The following RNF44 variants were observed in gnomAD, a reference collection of about 807,000 sequenced individuals.
The protein encoded by RNF44 is ring finger protein 44.
RNF44 carries 25 observed loss-of-function variants against 53.6 expected under a neutral mutation model. The ratio of observed to expected loss-of-function variants is 0.47; its 90% CI spans 0.34 to 0.65. The LOEUF (loss-of-function observed/expected upper bound fraction) is 0.65, where lower values mean the gene tolerates loss of function less well. RNF44 is among the 30% of genes least tolerant of loss of function. The pLI is 0.01. For missense variants in RNF44, 581 were observed against 595.5 expected (o/e 0.98, Z 0.25); for synonymous variants, 282 against 252.2 (o/e 1.12, Z -1.12).
rs1756772221 is a variant in RNF44 at position 176,532,405 on chromosome 5, G to C, written c.68C>G (p.Ser23Cys). 3.1e-6 allele frequency: 5 copies of C among 1,610,036 alleles called. No individual in the cohort carries two copies. The highest frequency in any genetic ancestry group is 4.2e-6 in the Non-Finnish European group (5 of 1,179,270). The change falls in exon 2 of 11, where the codon TCT (serine) becomes TGT (cysteine). Residue 23 changes from serine (S) to cysteine (C), a missense_variant. Around this residue, in one of 3 missense-constraint regions of RNF44, gnomAD observed 387 missense variants for 366.0 expected, o/e 1.06. Coordinates refer to ENST00000274811, the MANE Select transcript of RNF44 (RefSeq NM_014901.5). Reference protein sequence around the residue: ...PSAPVGQRRFSAGPGSTPGQL... With the variant: ...PSAPVGQRRFCAGPGSTPGQL... ...GCCCGGGGTGCTGCCAGGTCCCGCA[G>C]AGAATCGCCGCTGGCCCACGGGGGC...
chr5:176,534,109 C>A (rs1341551042), intron 1 of RNF44, among the ~76,000 whole-genome samples: 1 of 152,206 alleles, frequency 6.6e-6, no homozygotes, highest in African/African-American at 2.4e-5. Context: ...GAGACCGGGG[C>A]CCGACCAGCA....
chr5:176,539,404 C>A, upstream of RNF44, among the ~76,000 whole-genome samples: 1 of 152,222 alleles, frequency 6.6e-6, no homozygotes, highest in Non-Finnish European at 1.5e-5. Context: ...AAAACCCTCC[C>A]CATGGCCGGG....
At position 176,532,405 on chromosome 5, in the gene RNF44, G is replaced by A; in HGVS notation, c.68C>T (p.Ser23Phe). The change falls in exon 2 of 11, where the codon TCT (serine) becomes TTT (phenylalanine). Residue 23 changes from serine (S) to phenylalanine (F), a missense_variant. Physicochemically the swap from Ser to Phe is radical, Grantham distance 155. Around this residue, in one of 3 missense-constraint regions of RNF44, gnomAD observed 387 missense variants for 366.0 expected, o/e 1.06. Coordinates refer to ENST00000274811, the MANE Select transcript of RNF44 (RefSeq NM_014901.5). ...PSAPVGQRRF[S>F]AGPGSTPGQL... Reference sequence around the variant, plus strand: ...GCCCGGGGTGCTGCCAGGTCCCGCAGAGAATCGCCGCTGGCCCACGGGGGC... The same window carrying A: ...GCCCGGGGTGCTGCCAGGTCCCGCAAAGAATCGCCGCTGGCCCACGGGGGC... The A allele has an allele frequency of 1.2e-6, 2 of 1,610,036 alleles. No individual in the cohort carries two copies. Among genetic ancestry groups the A allele is most frequent in the Non-Finnish European group, 1.7e-6 (2 of 1,179,270 alleles).
At chr5:176,535,298 T>C (rs561839638) in intron 1 of RNF44, among the ~76,000 whole-genome samples, 1 of 152,248 alleles carries the variant, frequency 6.6e-6, no homozygotes, top group South Asian at 2.1e-4. Flanking sequence ...AGTTTGAACT[T>C]AGCTTGGGTG....
Position 176,529,090 on chromosome 5 carries a change from C to T in RNF44, c.1237G>A (p.Ala413Thr), listed in dbSNP as rs1275363473. The T allele has an allele frequency of 1.9e-6, 3 of 1,613,126 alleles. No homozygotes were observed. The highest frequency in any genetic ancestry group is 2.2e-5 in the South Asian group (2 of 91,066). Residue 413 changes from alanine to threonine, a missense_variant and splice_region_variant, in exon 11 of 11, where the codon GCC (alanine) becomes ACC (threonine). Physicochemically the swap from Ala to Thr is moderately conservative, Grantham distance 58. Transcript: ENST00000274811. The stretch of plus-strand genomic sequence containing the variant: ...CGGCAGATGGGACACGTCCGGTTGG[C>T]CTGTGGGAACATGCACGTCAGGCGT... The part of the protein sequence containing the change: ...HTKCVDKWLK[A>T]NRTCPICRAD...
At chr5:176,532,605 T>C in intron 1 of RNF44, 89 bp from the exon 2 acceptor site, 6 of 1,172,520 alleles carry the variant, frequency 5.1e-6, no homozygotes, top group Non-Finnish European at 7.0e-6. Context: ...TAGCCAGGCA[T>C]GGTGGTGGAC....
chr5:176,543,226 G>C, the RNF44 span, among the ~76,000 whole-genome samples: 1 of 147,298 alleles, frequency 6.8e-6, no homozygotes, highest in Non-Finnish European at 1.5e-5. This position sits in a 1 kb window ranked among gnomAD's most constrained non-coding sequence, Gnocchi z 4.0. Context: ...CCCTGCGCCC[G>C]GGGCGCTCGG....
intron 10 of RNF44, 79 bp downstream of exon 10, chr5:176,529,209 A>G (rs781311377): frequency 3.9e-6 from 6 of 1,554,982 alleles, no homozygotes; most frequent in Non-Finnish European, 5.3e-6. Context: ...GACAAGGACA[A>G]GGAGGGAAAC....
upstream of RNF44, among the ~76,000 whole-genome samples, chr5:176,539,351 C>T (rs368473875): frequency 1.2e-4 from 18 of 152,244 alleles, no homozygotes; most frequent in African/African-American, 4.3e-4. Flanking sequence ...CCTCCAATGT[C>T]TCCTTCAACC....
At chr5:176,536,701 G>C (rs1295117480) in intron 1 of RNF44, among the ~76,000 whole-genome samples, 1 of 152,186 alleles carries the variant, frequency 6.6e-6, no homozygotes, top group East Asian at 1.9e-4. Flanking sequence ...GCAGGGGGAG[G>C]GGGGCGGCTC....
chr5:176,530,915 G>GGGGGGGC lies in RNF44; in HGVS notation c.571_572insGCCCCCC (p.Pro191ArgfsTer143). The GGGGGGGC allele has an allele frequency of 7.6e-7, 1 of 1,310,558 alleles. No individual in the cohort carries two copies. Among genetic ancestry groups the GGGGGGGC allele is most frequent in the Non-Finnish European group, 1.0e-6 (1 of 982,076 alleles). 81.2% of individuals were successfully genotyped at this position (1,310,558 alleles called of 1,614,324 possible). On this transcript the variant is annotated frameshift_variant, in exon 5 of 11. Coordinates refer to ENST00000274811, the MANE Select transcript of RNF44 (RefSeq NM_014901.5). LOFTEE classifies it high-confidence loss of function. ...GGGCGCCATGTGGGTGGGCTGGGGG[G>GGGGGGGC]GTGGGGCCGGTGGTGGGGGGTGCAG...
upstream of RNF44, among the ~76,000 whole-genome samples, chr5:176,539,432 G>A (rs559923889): frequency 3.1e-4 from 47 of 152,166 alleles, no homozygotes; most frequent in Non-Finnish European, 5.7e-4. Context: ...GCTCACGCCT[G>A]TAATCCCAGC....
In RNF44 at chr5:176,529,291, C is replaced by G; in HGVS notation, c.1233G>C (p.Leu411Phe). The G allele has an allele frequency of 6.2e-7, 1 of 1,613,532 alleles. No individual in the cohort carries two copies. The change falls in exon 10 of 11, where the codon TTG becomes TTC. Residue 411 changes from leucine to phenylalanine, a missense_variant. Physicochemically the swap from Leu to Phe is conservative, Grantham distance 22. This residue lies in a region of RNF44 where 183 missense variants were observed against 198.6 expected (regional missense o/e 0.92). Transcript: ENST00000274811. ...GAGCAGACCTGGGCAGTGTTACCTT[C>G]AACCACTTGTCAACACACTTGGTGT... The part of the protein sequence containing the change: ...EFHTKCVDKW[L>F]KANRTCPICR...
intron 10 of RNF44, 56 bp downstream of exon 10, chr5:176,529,232 C>G (rs540994458): frequency 6.4e-7 from 1 of 1,566,752 alleles, no homozygotes; most frequent in South Asian, 1.1e-5. Flanking sequence ...CCCAGGCCAG[C>G]CCATCCCCCC....
At position 176,532,010 on chromosome 5, in the gene RNF44, G is replaced by A. The variant is rs777057459; in HGVS notation, c.291C>T (p.His97=). ...TQQSPFMVDL[H]EQVHQGPVPL... ...GGGATGGGGTTCTGCCTACCTGCTC[G>A]TGGAGATCAACCATGAACGGGCTCT... Residue 97 remains histidine (H), a synonymous_variant, in exon 3 of 11, where the codon CAC becomes CAT. Coordinates refer to ENST00000274811, the MANE Select transcript of RNF44 (RefSeq NM_014901.5). The A allele has an allele frequency of 7.5e-6, 12 of 1,609,780 alleles. No homozygotes were observed. The highest frequency in any genetic ancestry group is 3.4e-5 in the Admixed American group (2 of 59,154).
At chr5:176,542,978 G>C (rs1757487478), upstream of RNF44, among the ~76,000 whole-genome samples, 1 of 152,150 alleles carries the variant, frequency 6.6e-6, no homozygotes, top group South Asian at 2.1e-4. Context: ...GACTCGCCGG[G>C]GGTGGCGGTC....
In RNF44 at chr5:176,530,298, CCCAGCCGCCCCGG is replaced by C. The variant is rs1461623281; in HGVS notation, c.802-105_802-93del. On this transcript the variant is annotated intron_variant, in intron 6 of 10. Transcript: ENST00000274811. The stretch of plus-strand genomic sequence containing the variant: ...GCAAGTCAGCCCGGTGGGCCTGCCT[CCCAGCCGCCCCGG>C]AGCCCAGGTGCAAGTCAGCCCGGTG... 380 of 252,196 alleles carry C rather than the reference CCCAGCCGCCCCGG, an allele frequency of 1.5e-3. 39 individuals carry two copies. The highest frequency in any genetic ancestry group is 5.4e-3 in the Middle Eastern group (5 of 930). The allele number at this position is 252,196 out of a possible 1,614,324, so 15.6% of individuals were successfully genotyped here. A position where few individuals can be genotyped will look rare whatever the true frequency, so the allele number is the denominator to read the frequency against.
Position 176,534,157 on chromosome 5 carries a change from G to T in RNF44, c.-44-1641C>A, listed in dbSNP as rs148606336. On this transcript the variant is annotated intron_variant, in intron 1 of 10. Coordinates refer to ENST00000274811, the MANE Select transcript of RNF44 (RefSeq NM_014901.5). The stretch of plus-strand genomic sequence containing the variant: ...AGGGCCAGGGACCACCTTGTGTCCA[G>T]CTCAGGGCAGGCCTGATGTGAGAAA... 2.1e-3 allele frequency among the ~76,000 whole-genome samples: 316 copies of T among 152,394 alleles called. 1 individual carries two copies. The highest frequency in any genetic ancestry group is 7.5e-3 in the African/African-American group (312 of 41,608).
chr5:176,541,420 C>A (rs1345362051), upstream of RNF44, among the ~76,000 whole-genome samples: 1 of 152,130 alleles, frequency 6.6e-6, no homozygotes, highest in Non-Finnish European at 1.5e-5. Context: ...AACACAGGGG[C>A]CCCGTGGTTG....
Sources: gnomAD v4.1 joint callset for allele counts (sites outside exome capture counted in the v4.1 genomes callset) on GRCh38, gnomAD v4.1.1 for gene constraint, gnomAD v4.1.1 regional missense constraint, Gnocchi (gnomAD v3.1) non-coding constraint, MANE v1.5 for transcripts, NCBI Gene and HGNC (gene_info 2026-07-23, HGNC 2026-07-21) for gene names.